KANK1: variants seen among roughly 807,000 people sequenced by gnomAD.
KANK1 encodes the protein KN motif and ankyrin repeat domain-containing protein 1.
KANK1 carries 109 observed loss-of-function variants against 106.2 expected under a neutral mutation model. The ratio of observed to expected loss-of-function variants is 1.03; its 90% CI spans 0.88 to 1.20. KANK1 has a LOEUF of 1.20. KANK1 is among the 50% of genes most tolerant of loss of function. The pLI is 0.00. For missense variants in KANK1, 2,399 were observed against 1,710.7 expected (o/e 1.40, Z -7.10); for synonymous variants, 873 against 652.2 (o/e 1.34, Z -5.16).
At chr9:601,131 T>C (rs558710692) in intron 1 of KANK1, among the ~76,000 whole-genome samples, 1 of 151,978 alleles carries the variant, frequency 6.6e-6, no homozygotes, top group Non-Finnish European at 1.5e-5. Context: ...TTTGAAATAA[T>C]GTTAGATTTA....
Position 603,444 on chromosome 9 carries a change from C to A in KANK1, c.-83-73446C>A, listed in dbSNP as rs554968833. Among the ~76,000 whole-genome samples, 56 of 151,904 alleles carry A rather than the reference C, an allele frequency of 3.7e-4. 2 individuals carry two copies. Among genetic ancestry groups the A allele is most frequent in the African/African-American group, 1.3e-3 (53 of 41,190 alleles). On this transcript the variant is annotated intron_variant, in intron 1 of 11. Transcript: ENST00000382297. ...TCACTAAGAGCAGTTTGTGTGTCTT[C>A]CATCTAATGTAAAGGTTAGTAATGT...
At chr9:502,628 T>C (rs1463556387), upstream of KANK1, among the ~76,000 whole-genome samples, 1 of 151,846 alleles carries the variant, frequency 6.6e-6, no homozygotes, top group Non-Finnish European at 1.5e-5. Flanking sequence ...GGTTCAAGGA[T>C]TCTCCTGCCT....
At chr9:480,524 T>C (rs189471776) in intron 3 of KANK1, among the ~76,000 whole-genome samples, 55 of 152,344 alleles carry the variant, frequency 3.6e-4, no homozygotes, top group Admixed American at 6.5e-4. Flanking sequence ...TATCATCCTG[T>C]GATGGAATAC....
At chr9:525,317 G>A (rs1411224563) in intron 1 of KANK1, among the ~76,000 whole-genome samples, 1 of 150,670 alleles carries the variant, frequency 6.6e-6, no homozygotes, top group Non-Finnish European at 1.5e-5. Flanking sequence ...TTAAACCCAA[G>A]GACCCTGATT....
At chr9:530,904 C>G (rs2060026880) in intron 1 of KANK1, among the ~76,000 whole-genome samples, 1 of 151,998 alleles carries the variant, frequency 6.6e-6, no homozygotes, top group Non-Finnish European at 1.5e-5. Flanking sequence ...TGCAGTGAGT[C>G]ATGATTGTGG....
At position 586,286 on chromosome 9, in the gene KANK1, A is replaced by G. The variant is rs187178656; in HGVS notation, c.-84+81532A>G. Among the ~76,000 whole-genome samples the G allele has an allele frequency of 1.6e-4, 25 of 152,310 alleles. No individual in the cohort carries two copies. The East Asian group carries it at 4.4e-3, about 27-fold the overall frequency. ...AGACCAGTTCTTCATTTTACAGTCA[A>G]GGGGATGGGCCCAGGCCTATTCAAG... On this transcript the variant is annotated intron_variant, in intron 1 of 11. Coordinates refer to ENST00000382297, the MANE Select transcript of KANK1 (RefSeq NM_015158.5).
Position 624,321 on chromosome 9 carries a change from C to T in KANK1, c.-83-52569C>T, listed in dbSNP as rs141535080. ...ATTAGGGAGCGTCCTTAGTCTTTTCCCTCTCCATGCAGAGGGTAACTATGT... is the reference window on the plus strand; with the variant it reads ...ATTAGGGAGCGTCCTTAGTCTTTTCTCTCTCCATGCAGAGGGTAACTATGT... On this transcript the variant is annotated intron_variant, in intron 1 of 11. Transcript: ENST00000382297. 5.3e-5 allele frequency among the ~76,000 whole-genome samples: 8 copies of T among 152,130 alleles called. No homozygotes were observed. In the East Asian group the frequency reaches 1.5e-3, roughly 29 times the overall value.
At chr9:561,371 A>G (rs935856012) in intron 1 of KANK1, among the ~76,000 whole-genome samples, 2 of 152,180 alleles carry the variant, frequency 1.3e-5, no homozygotes, top group African/African-American at 2.4e-5. Flanking sequence ...ATGATTTTTA[A>G]TGGCTACATA....
At chr9:500,118 T>G (rs2058525410), upstream of KANK1, among the ~76,000 whole-genome samples, 2 of 152,198 alleles carry the variant, frequency 1.3e-5, no homozygotes, top group African/African-American at 4.8e-5. Flanking sequence ...CACCTGCTGT[T>G]TTTTAAGCGC....
In KANK1 at chr9:630,827, C is replaced by T. The variant is rs148730848; in HGVS notation, c.-83-46063C>T. Among the ~76,000 whole-genome samples, 1,010 of 152,068 alleles carry T rather than the reference C, an allele frequency of 6.6e-3. 16 individuals carry two copies. The highest frequency in any genetic ancestry group is 0.023 in the African/African-American group (953 of 41,438). ...CTGAGGCACGAGAATCACTTGAACC[C>T]GGGATGTAGAGGAGCTCCTTGGGAG... On this transcript the variant is annotated intron_variant, in intron 1 of 11. Coordinates refer to ENST00000382297, the MANE Select transcript of KANK1 (RefSeq NM_015158.5).
intron 1 of KANK1, among the ~76,000 whole-genome samples, chr9:576,673 T>C (rs1201920953): frequency 2.6e-5 from 4 of 152,164 alleles, no homozygotes; most frequent in African/African-American, 9.7e-5. Context: ...GTGTTGGAGA[T>C]ACAGAAAGCT....
At chr9:697,996 C>G (rs1306519968) in intron 2 of KANK1, among the ~76,000 whole-genome samples, 1 of 152,134 alleles carries the variant, frequency 6.6e-6, no homozygotes, top group African/African-American at 2.4e-5. Context: ...TAGAGGCAAG[C>G]CAACCTGAAA....
intron 3 of KANK1, among the ~76,000 whole-genome samples, chr9:728,437 A>G (rs931967518): frequency 6.6e-6 from 1 of 151,810 alleles, no homozygotes; most frequent in South Asian, 2.1e-4. Flanking sequence ...ACCTCAGGTG[A>G]TCCACCTGCC....
chr9:680,056 A>G (rs192818131), intron 2 of KANK1, among the ~76,000 whole-genome samples: 9 of 152,330 alleles, frequency 5.9e-5, no homozygotes, highest in East Asian at 1.9e-4. Context: ...CTGGTCTCCT[A>G]TGAGAAAAGG....
In KANK1 at chr9:519,094, T is replaced by C. The variant is rs927394297; in HGVS notation, c.-84+14340T>C. On this transcript the variant is annotated intron_variant, in intron 1 of 11. Coordinates refer to ENST00000382297, the MANE Select transcript of KANK1 (RefSeq NM_015158.5). Reference sequence around the variant, plus strand: ...TAATAGAAACGGGGTTTCTCCATGTTGGTCAGGCTGGTCTCAAACTCCCAA... The same window carrying C: ...TAATAGAAACGGGGTTTCTCCATGTCGGTCAGGCTGGTCTCAAACTCCCAA... 1.2e-4 allele frequency among the ~76,000 whole-genome samples: 18 copies of C among 151,712 alleles called. 2 individuals carry two copies. Among genetic ancestry groups the C allele is most frequent in the African/African-American group, 4.1e-4 (17 of 41,058 alleles).
At chr9:660,009 C>T (rs147422095) in intron 1 of KANK1, 1 of 297,364 alleles carries the variant, frequency 3.4e-6, no homozygotes, top group African/African-American at 2.2e-5. Context: ...AGAACCTCCA[C>T]TCTTTCCACC....
At chr9:543,218 C>A (rs1156787771) in intron 1 of KANK1, among the ~76,000 whole-genome samples, 1 of 151,930 alleles carries the variant, frequency 6.6e-6, no homozygotes, top group Non-Finnish European at 1.5e-5. Flanking sequence ...GTTAACTTGT[C>A]ACCCAACGTA....
chr9:513,824 A>G (rs548429842), intron 1 of KANK1, among the ~76,000 whole-genome samples: 2 of 152,184 alleles, frequency 1.3e-5, no homozygotes, highest in South Asian at 2.1e-4. Flanking sequence ...AAGACCAGCC[A>G]TAGCCAACAT....
At chr9:685,278 A>G (rs778630223) in intron 2 of KANK1, among the ~76,000 whole-genome samples, 23 of 152,210 alleles carry the variant, frequency 1.5e-4, no homozygotes, top group Non-Finnish European at 2.9e-4. Context: ...TTATCTCACC[A>G]CTTAAAAATA....
Sources: allele counts gnomAD v4.1 joint callset (sites outside exome capture counted in the v4.1 genomes callset), GRCh38; gene constraint gnomAD v4.1.1; transcripts MANE v1.5; gene names NCBI Gene and HGNC (gene_info 2026-07-23, HGNC 2026-07-21).